The following CKLF variants were observed in gnomAD, a reference collection of about 807,000 sequenced individuals.
CKLF encodes chemokine-like factor.
Under a neutral mutation model 12.9 loss-of-function variants are expected in CKLF, and 16 were observed. The ratio of observed to expected loss-of-function variants is 1.24; its 90% CI spans 0.84 to 1.88. The LOEUF (loss-of-function observed/expected upper bound fraction) is 1.88. Among genes scored for constraint, CKLF ranks in the 40% most tolerant of loss-of-function variants. The probability of loss-of-function intolerance (pLI) is 0.00; values close to 1 mark genes in which losing one functional copy is unlikely to be tolerated. For missense variants in CKLF, 172 were observed against 188.5 expected (o/e 0.91, Z 0.51); for synonymous variants, 61 against 69.0 (o/e 0.88, Z 0.57).
At chr16:66,562,793 T>C (rs2011824355) in intron 2 of CKLF, among the ~76,000 whole-genome samples, 1 of 152,202 alleles carries the variant, frequency 6.6e-6, no homozygotes, top group South Asian at 2.1e-4. Flanking sequence ...TGATCTCAGT[T>C]CACTGTAACC....
chr16:66,565,496 A>G, intron 3 of CKLF: 1 of 184,316 alleles, frequency 5.4e-6, no homozygotes, highest in Non-Finnish European at 1.2e-5. Context: ...TTTCTTCTGT[A>G]GAGTTTGTCA....
At chr16:66,559,796 A>T (rs1485764621) in intron 2 of CKLF, among the ~76,000 whole-genome samples, 1 of 152,228 alleles carries the variant, frequency 6.6e-6, no homozygotes, top group African/African-American at 2.4e-5. Context: ...TATCTCTTAG[A>T]AATGGGGTGT....
intron 2 of CKLF, 139 bp downstream of exon 2, chr16:66,558,487 A>G (rs930029373): frequency 4.1e-6 from 5 of 1,234,264 alleles, no homozygotes; most frequent in Non-Finnish European, 5.5e-6. Context: ...ACCCATTGCT[A>G]ATGTGCCCTG....
Position 66,552,671 on chromosome 16 carries a change from T to G in CKLF, c.-45T>G. On this transcript the variant is annotated 5_prime_UTR_variant, in exon 1 of 4. Transcript: ENST00000264001. ...CGCAGAACCTACTCAGGCAGCCAGC[T>G]GAGAAGAGTTGAGGGAAAGTGCTGC... The G allele has an allele frequency of 7.1e-5, 115 of 1,612,580 alleles. No homozygotes were observed. Among genetic ancestry groups the G allele is most frequent in the Non-Finnish European group, 9.1e-5 (107 of 1,178,778 alleles).
intron 1 of CKLF, among the ~76,000 whole-genome samples, chr16:66,557,674 G>A (rs975867083): frequency 6.6e-6 from 1 of 152,194 alleles, no homozygotes; most frequent in African/African-American, 2.4e-5. Flanking sequence ...AGGATAAAAG[G>A]AAGGAGTATG....
chr16:66,565,069 T>C (rs1444455976), intron 3 of CKLF, among the ~76,000 whole-genome samples: 1 of 152,116 alleles, frequency 6.6e-6, no homozygotes, highest in Non-Finnish European at 1.5e-5. Context: ...GCCAATAGTG[T>C]ACAGAGTGCC....
At chr16:66,559,546 C>T (rs1220375148) in intron 2 of CKLF, among the ~76,000 whole-genome samples, 1 of 152,206 alleles carries the variant, frequency 6.6e-6, no homozygotes, top group Non-Finnish European at 1.5e-5. Flanking sequence ...GAACACTGGT[C>T]CACATCCTCT....
chr16:66,561,472 G>A (rs1001506124), intron 2 of CKLF, among the ~76,000 whole-genome samples: 1 of 152,136 alleles, frequency 6.6e-6, no homozygotes, highest in Non-Finnish European at 1.5e-5. Context: ...TTTCGGGGCA[G>A]GCATATCTTT....
chr16:66,557,230 G>T (rs965781493), intron 1 of CKLF, among the ~76,000 whole-genome samples: 2 of 152,012 alleles, frequency 1.3e-5, no homozygotes, highest in Admixed American at 6.6e-5. Context: ...GAGTGCAGTG[G>T]CATCTCAGCT....
chr16:66,561,247 CCTT>C (rs1349123547), intron 2 of CKLF, among the ~76,000 whole-genome samples: 1 of 151,730 alleles, frequency 6.6e-6, no homozygotes, highest in Admixed American at 6.6e-5. Context: ...GTAGAGCAGG[CCTT>C]CTCTGATTGT....
Position 66,561,195 on chromosome 16 carries a change from C to G in CKLF, c.238-1927C>G, listed in dbSNP as rs1597132004. 2.0e-5 allele frequency among the ~76,000 whole-genome samples: 3 copies of G among 152,006 alleles called. 1 individual carries two copies. The East Asian group carries it at 5.8e-4, about 29-fold the overall frequency. On this transcript the variant is annotated intron_variant, in intron 2 of 3. Coordinates refer to ENST00000264001, the MANE Select transcript of CKLF (RefSeq NM_016951.4). Reference sequence around the variant, plus strand: ...TAACTAGGAGAGGGCTTGGTCATCTCCATTCAAATTGTCCCAAAGTTGTTG... The same window carrying G: ...TAACTAGGAGAGGGCTTGGTCATCTGCATTCAAATTGTCCCAAAGTTGTTG...
intron 3 of CKLF, among the ~76,000 whole-genome samples, chr16:66,563,536 A>C (rs544053072): frequency 6.6e-6 from 1 of 152,336 alleles, no homozygotes; most frequent in Admixed American, 6.5e-5. Flanking sequence ...ACCTGATGTC[A>C]AGCAAAACAA....
rs773495496 is a variant in CKLF, at chr16:66,552,797, A to G, written c.78+4A>G. The G allele has an allele frequency of 2.5e-6, 4 of 1,613,818 alleles. No individual in the cohort carries two copies. Among genetic ancestry groups the G allele is most frequent in the East Asian group, 4.5e-5 (2 of 44,892 alleles). ...CCACGTGAAGATGCTGCGGCTGGTG[A>G]GGCCGGGCCGCGGAGGGCGGGAGGC... On this transcript the variant is annotated splice_donor_region_variant and intron_variant, in intron 1 of 3. Transcript: ENST00000264001.
intron 3 of CKLF, among the ~76,000 whole-genome samples, chr16:66,563,827 A>G (rs748077128): frequency 2.0e-5 from 3 of 152,244 alleles, no homozygotes; most frequent in Non-Finnish European, 2.9e-5. Context: ...TTATAGTTCT[A>G]TCTGATATTC....
Position 66,563,168 on chromosome 16 carries a change from CTG to C in CKLF, c.288_289del (p.Leu97GlyfsTer50). 1 of 1,614,066 alleles carries C rather than the reference CTG, an allele frequency of 6.2e-7. No individual in the cohort carries two copies. Among genetic ancestry groups the C allele is most frequent in the South Asian group, 1.1e-5 (1 of 91,080 alleles). ...ACAACAGTATTCATGCTCATCGTAT[CTG>C]TGTTGGCACTGATACCAGAAACCAC... On this transcript the variant is annotated frameshift_variant, in exon 3 of 4. Transcript: ENST00000264001. LOFTEE classifies it low-confidence loss of function (END_TRUNC).
chr16:66,558,657 G>A, intron 2 of CKLF: 1 of 230,978 alleles, frequency 4.3e-6, no homozygotes, highest in Non-Finnish European at 8.4e-6. Context: ...AAATTGTAGT[G>A]CATTCTTAAT....
intron 3 of CKLF, among the ~76,000 whole-genome samples, chr16:66,564,224 A>T (rs1247800567): frequency 6.6e-6 from 1 of 152,242 alleles, no homozygotes; most frequent in East Asian, 1.9e-4. Flanking sequence ...GACAAAATAT[A>T]GAGCTGTGCT....
At chr16:66,555,023 G>A (rs897057223) in intron 1 of CKLF, among the ~76,000 whole-genome samples, 2 of 152,150 alleles carry the variant, frequency 1.3e-5, no homozygotes, top group African/African-American at 4.8e-5. Context: ...ATCATTTGAA[G>A]TCAGGAGTTC....
Position 66,565,942 on chromosome 16 carries a change from G to C in CKLF, c.390G>C (p.Arg130=), listed in dbSNP as rs778311415. 1 of 1,614,012 alleles carries C rather than the reference G, an allele frequency of 6.2e-7. No homozygotes were observed. The highest frequency in any genetic ancestry group is 8.5e-7 in the Non-Finnish European group (1 of 1,179,926). Residue 130 remains arginine (R), a synonymous_variant, in exon 4 of 4, where the codon CGG becomes CGC. Coordinates refer to ENST00000264001, the MANE Select transcript of CKLF (RefSeq NM_016951.4). ...TTGCCGACGGGGCCCTTATTTACCGGAAGCTTCTGTTCAATCCCAGCGGTC... is the reference window on the plus strand; with the variant it reads ...TTGCCGACGGGGCCCTTATTTACCGCAAGCTTCTGTTCAATCCCAGCGGTC... ...CCLADGALIY[R]KLLFNPSGPY...
Sources: gnomAD v4.1 joint callset for allele counts (sites outside exome capture counted in the v4.1 genomes callset) on GRCh38, gnomAD v4.1.1 for gene constraint, MANE v1.5 for transcripts, NCBI Gene and HGNC (gene_info 2026-07-23, HGNC 2026-07-21) for gene names.